The following ATF7IP2 variants were observed in gnomAD, a reference collection of about 807,000 sequenced individuals.
The protein encoded by ATF7IP2 is activating transcription factor 7-interacting protein 2.
Under a neutral mutation model 64.2 loss-of-function variants are expected in ATF7IP2, and 42 were observed. The observed-to-expected ratio is 0.65, with a 90% confidence interval of 0.51 to 0.85. The LOEUF (loss-of-function observed/expected upper bound fraction) is 0.85, where lower values mean the gene tolerates loss of function less well. ATF7IP2 is among the 40% of genes least tolerant of loss of function. ATF7IP2 has a pLI of 0.00. For synonymous variants in ATF7IP2, 308 were observed against 272.8 expected, an observed-to-expected ratio of 1.13 and a Z score of -1.27; for missense variants, 933 against 784.2, an observed-to-expected ratio of 1.19 and a Z score of -2.27.
chr16:10,442,784 C>G (rs2048672540), intron 8 of ATF7IP2, among the ~76,000 whole-genome samples: 1 of 152,134 alleles, frequency 6.6e-6, no homozygotes, highest in Non-Finnish European at 1.5e-5. Context: ...CCATTTGGCC[C>G]TAATTGCTCA....
chr16:10,444,838 T>C (rs1357030560), intron 8 of ATF7IP2, among the ~76,000 whole-genome samples: 1 of 152,208 alleles, frequency 6.6e-6, no homozygotes, highest in African/African-American at 2.4e-5. Context: ...ATGTTTTTTA[T>C]TATTTCAAAC....
chr16:10,476,462 T>C (rs1279336344), intron 12 of ATF7IP2, among the ~76,000 whole-genome samples: 1 of 151,826 alleles, frequency 6.6e-6, no homozygotes, highest in Non-Finnish European at 1.5e-5. Flanking sequence ...TTCTTAACCA[T>C]CCCTGTATTT....
In ATF7IP2 at chr16:10,403,588, T is replaced by C. The variant is rs138333050; in HGVS notation, c.-241-10986T>C. Among the ~76,000 whole-genome samples, 132 of 152,212 alleles carry C rather than the reference T, an allele frequency of 8.7e-4. 1 individual carries two copies. In the East Asian group the frequency reaches 0.013, roughly 15 times the overall value. On this transcript the variant is annotated intron_variant, in intron 1 of 13. Coordinates refer to ENST00000562102, the MANE Select transcript of ATF7IP2 (RefSeq NM_001393719.1). ...ATTATAACACCCCCTCAAAGGAACA[T>C]AGGAATTCCTTAGCAACAGATTCTA... is the stretch of plus-strand genomic sequence containing the variant.
intron 1 of ATF7IP2, among the ~76,000 whole-genome samples, chr16:10,407,119 G>A (rs996621682): frequency 1.3e-5 from 2 of 152,072 alleles, no homozygotes; most frequent in Non-Finnish European, 2.9e-5. Flanking sequence ...CAAAATGAAG[G>A]ACAAAAATAT....
At chr16:10,436,927 A>AT (rs1353454727) in intron 6 of ATF7IP2, among the ~76,000 whole-genome samples, 1 of 152,082 alleles carries the variant, frequency 6.6e-6, no homozygotes, top group African/African-American at 2.4e-5. Context: ...AAGTTCATTA[A>AT]TTTTTCATAT....
At position 10,457,684 on chromosome 16, in the gene ATF7IP2, T is replaced by TG. The variant is rs113559501; in HGVS notation, c.1352+160dup. On this transcript the variant is annotated intron_variant, in intron 9 of 13. Coordinates refer to ENST00000562102, the MANE Select transcript of ATF7IP2 (RefSeq NM_001393719.1). ...ACTTTTACATATTATACTTCAGTTG[T>TG]GGGGGTTTTTTTTTGGTTTTTGGGT... The TG allele has an allele frequency of 7.8e-4, 459 of 588,548 alleles. No individual in the cohort carries two copies. The African/African-American group carries it at 8.5e-3, about 11-fold the overall frequency. The allele number at this position is 588,548 out of a possible 1,614,324, so 36.5% of individuals were successfully genotyped here. A position where few individuals can be genotyped will look rare whatever the true frequency, so the allele number is the denominator to read the frequency against.
In ATF7IP2 at chr16:10,482,762, C is replaced by T. The variant is rs1288662260; in HGVS notation, c.*513C>T. The T allele has an allele frequency of 1.3e-5, 2 of 152,048 alleles. No individual in the cohort carries two copies. The highest frequency in any genetic ancestry group is 1.5e-5 in the Non-Finnish European group (1 of 68,180). 9.4% of individuals were successfully genotyped at this position (152,048 alleles called of 1,614,324 possible). A position where few individuals can be genotyped will look rare whatever the true frequency, so the allele number is the denominator to read the frequency against. On this transcript the variant is annotated 3_prime_UTR_variant, in exon 14 of 14. Coordinates refer to ENST00000562102, the MANE Select transcript of ATF7IP2 (RefSeq NM_001393719.1). Reference sequence around the variant, plus strand: ...TTTTTTTTTTTGAGATGGAATATTGCTCTGTTGCCCAGGCTGGAGTACAGT... The same window carrying T: ...TTTTTTTTTTTGAGATGGAATATTGTTCTGTTGCCCAGGCTGGAGTACAGT...
intron 6 of ATF7IP2, among the ~76,000 whole-genome samples, chr16:10,433,860 A>G (rs1018867031): frequency 4.6e-5 from 7 of 152,218 alleles, no homozygotes; most frequent in African/African-American, 9.6e-5. Context: ...TCTCATGCAG[A>G]ATAACCTAGG....
Position 10,460,449 on chromosome 16 carries a change from A to G in ATF7IP2, c.1352+2920A>G, listed in dbSNP as rs182641093. Among the ~76,000 whole-genome samples, 3 of 152,312 alleles carry G rather than the reference A, an allele frequency of 2.0e-5. No homozygotes were observed. In the East Asian group the frequency reaches 5.8e-4, roughly 29 times the overall value. ...TGAAACAAAATGGAAGGAATTTGCC[A>G]TCAGACGTTAGGATATTACAAAGCT... On this transcript the variant is annotated intron_variant, in intron 9 of 13. Coordinates refer to ENST00000562102, the MANE Select transcript of ATF7IP2 (RefSeq NM_001393719.1).
chr16:10,470,486 C>A (rs2049751860), intron 9 of ATF7IP2, among the ~76,000 whole-genome samples: 1 of 152,106 alleles, frequency 6.6e-6, no homozygotes, highest in South Asian at 2.1e-4. Flanking sequence ...AAGTAACAAA[C>A]TGATTAAAAA....
At chr16:10,481,148 TAAAAC>T (rs2050207757) in intron 13 of ATF7IP2, among the ~76,000 whole-genome samples, 184 bp downstream of exon 13, 1 of 152,236 alleles carries the variant, frequency 6.6e-6, no homozygotes. Context: ...CTACAGAAAT[TAAAAC>T]AAATACTTTT....
At chr16:10,462,323 T>C (rs757296355) in intron 9 of ATF7IP2, among the ~76,000 whole-genome samples, 7 of 152,014 alleles carry the variant, frequency 4.6e-5, no homozygotes, top group Non-Finnish European at 8.8e-5. Flanking sequence ...TAGTTTCATC[T>C]TTCCATCTGG....
Position 10,458,581 on chromosome 16 carries a change from T to C in ATF7IP2, c.1352+1052T>C, listed in dbSNP as rs189681206. Among the ~76,000 whole-genome samples, 260 of 152,306 alleles carry C rather than the reference T, an allele frequency of 1.7e-3. 2 individuals carry two copies. Among genetic ancestry groups the C allele is most frequent in the Non-Finnish European group, 2.2e-3 (152 of 68,018 alleles). On this transcript the variant is annotated intron_variant, in intron 9 of 13. Transcript: ENST00000562102. The stretch of plus-strand genomic sequence containing the variant: ...TGAATGTGCGGATAGGTGTAACAAA[T>C]GTGTAACTTGATTCTGATGGCTTTA...
chr16:10,481,060 C>A, intron 13 of ATF7IP2, 96 bp downstream of exon 13: 1 of 880,738 alleles, frequency 1.1e-6, no homozygotes, highest in South Asian at 1.5e-5. Context: ...CACATTTCAG[C>A]TTAGACAACA....
chr16:10,464,273 GAAATAAAGGAACCCTTACAAAGGAAAA>G (rs763848573), intron 9 of ATF7IP2, among the ~76,000 whole-genome samples: 1 of 151,944 alleles, frequency 6.6e-6, no homozygotes, highest in Non-Finnish European at 1.5e-5. Flanking sequence ...AAACATTTAA[GAAATAAAGGAACCCTTACAAAGGAAAA>G]AAGAAATATA....
Position 10,464,121 on chromosome 16 carries a change from A to C in ATF7IP2, c.1352+6592A>C, listed in dbSNP as rs115728970. On this transcript the variant is annotated intron_variant, in intron 9 of 13. Coordinates refer to ENST00000562102, the MANE Select transcript of ATF7IP2 (RefSeq NM_001393719.1). ...GGTCTCTCAAGTTATGGCTGCCACCACAGCTTTCTAATGTCTTCAAATAGA... is the reference window on the plus strand; with the variant it reads ...GGTCTCTCAAGTTATGGCTGCCACCCCAGCTTTCTAATGTCTTCAAATAGA... Among the ~76,000 whole-genome samples the C allele has an allele frequency of 2.8e-3, 427 of 152,308 alleles. 4 individuals are homozygous for C. Among genetic ancestry groups the C allele is most frequent in the African/African-American group, 9.8e-3 (406 of 41,568 alleles).
chr16:10,394,617 G>T (rs924975914), intron 1 of ATF7IP2, among the ~76,000 whole-genome samples: 5 of 152,114 alleles, frequency 3.3e-5, no homozygotes, highest in African/African-American at 1.2e-4. Context: ...GTCACACTAG[G>T]CCATGAAGCA....
At position 10,431,092 on chromosome 16, in the gene ATF7IP2, C is replaced by T. The variant is rs150784930; in HGVS notation, c.472C>T (p.His158Tyr). The T allele has an allele frequency of 7.6e-5, 123 of 1,614,074 alleles. No individual in the cohort carries two copies. In the African/African-American group the frequency reaches 1.4e-3, roughly 18 times the overall value. The change falls in exon 5 of 14, where the codon CAT becomes TAT. Residue 158 changes from histidine (H) to tyrosine (Y), a missense_variant. Transcript: ENST00000562102. ...QTNVTRSLFE[H>Y]EGACSLKSSC... ...AAATGTAACAAGATCCCTTTTTGAG[C>T]ATGAGGGGGCTTGTAGTCTAAAGTC... is the stretch of plus-strand genomic sequence containing the variant.
At position 10,412,010 on chromosome 16, in the gene ATF7IP2, G is replaced by GTTTTTTTTTTTTTT. The variant is rs71133351; in HGVS notation, c.-241-2548_-241-2535dup. Among the ~76,000 whole-genome samples, 22 of 58,394 alleles carry GTTTTTTTTTTTTTT rather than the reference G, an allele frequency of 3.8e-4. 1 individual carries two copies. The highest frequency in any genetic ancestry group is 6.3e-4 in the Non-Finnish European group (19 of 30,158). 38.3% of individuals were successfully genotyped at this position (58,394 alleles called of 152,430 possible). On this transcript the variant is annotated intron_variant, in intron 1 of 13. Coordinates refer to ENST00000562102, the MANE Select transcript of ATF7IP2 (RefSeq NM_001393719.1). ...CTTTTTGTTTCATTTATCTTTTTTT[G>GTTTTTTTTTTTTTT]TTTTTTTTTTTTTTTTTTTTTTTTT...
Sources: gnomAD v4.1 joint callset for allele counts (sites outside exome capture counted in the v4.1 genomes callset) on GRCh38, gnomAD v4.1.1 for gene constraint, MANE v1.5 for transcripts, NCBI Gene and HGNC (gene_info 2026-07-23, HGNC 2026-07-21) for gene names.